The following GLIS1 variants were observed in gnomAD, a reference collection of about 807,000 sequenced individuals.
The protein encoded by GLIS1 is zinc finger protein GLIS1.
A neutral mutation model predicts 63.8 loss-of-function variants in GLIS1; 24 were observed. The ratio of observed to expected loss-of-function variants is 0.38; its 90% CI spans 0.27 to 0.53. GLIS1 has a LOEUF of 0.53. Ranked by LOEUF, GLIS1 falls within the 20% of genes least tolerant of loss-of-function variation. GLIS1 has a pLI of 0.85. For synonymous variants in GLIS1, 450 were observed against 482.5 expected (o/e 0.93, Z 0.88); for missense variants, 1,036 against 1,074.1 (o/e 0.96, Z 0.50).
At chr1:53,632,678 A>G (rs1457947511) in intron 2 of GLIS1, among the ~76,000 whole-genome samples, 36 of 124,026 alleles carry the variant, frequency 2.9e-4, no homozygotes, top group African/African-American at 1.0e-3. Flanking sequence ...GGGTGTGTGA[A>G]TGAGTGTGAA....
At position 53,547,884 on chromosome 1, in the gene GLIS1, G is replaced by A. The variant is rs550381257; in HGVS notation, c.1321-17932C>T. On this transcript the variant is annotated intron_variant, in intron 4 of 10. Transcript: ENST00000628545. ...GGAGCAGCCAGGAGCAGCCAAACAC[G>A]GCCCAGTGGTGGCTGTCTCTGTGAG... 1.7e-4 allele frequency among the ~76,000 whole-genome samples: 26 copies of A among 152,298 alleles called. No individual in the cohort carries two copies. In the South Asian group the frequency reaches 4.1e-3, roughly 24 times the overall value.
At chr1:53,655,875 C>A (rs1645960623) in intron 2 of GLIS1, among the ~76,000 whole-genome samples, 1 of 152,212 alleles carries the variant, frequency 6.6e-6, no homozygotes, top group Non-Finnish European at 1.5e-5. Context: ...ATCTTTCCAA[C>A]AAGCACCAAG....
intron 4 of GLIS1, among the ~76,000 whole-genome samples, chr1:53,593,613 T>G (rs1557468670): frequency 6.6e-6 from 1 of 152,202 alleles, no homozygotes; most frequent in Non-Finnish European, 1.5e-5. Context: ...GCCGGGTGCC[T>G]GTTAGGCCCC....
intron 2 of GLIS1, among the ~76,000 whole-genome samples, chr1:53,726,713 C>A (rs1186092951): frequency 6.6e-6 from 1 of 152,182 alleles, no homozygotes; most frequent in Non-Finnish European, 1.5e-5. Context: ...CCTCCCTCCC[C>A]AACCTCCCCC....
At chr1:53,640,522 T>G (rs1244133910) in intron 2 of GLIS1, among the ~76,000 whole-genome samples, 1 of 152,162 alleles carries the variant, frequency 6.6e-6, no homozygotes, top group East Asian at 1.9e-4. Flanking sequence ...CCCGCTCTCC[T>G]GTGGAGCCTG....
At chr1:53,520,873 C>T (rs921634283) in intron 6 of GLIS1, 107 bp from the exon 7 acceptor site, 1 of 1,250,716 alleles carries the variant, frequency 8.0e-7, no homozygotes, top group African/African-American at 1.5e-5. Context: ...CAGGGCAAGA[C>T]CCTTCCCTTC....
chr1:53,652,328 G>C (rs1443714133), intron 2 of GLIS1, among the ~76,000 whole-genome samples: 1 of 152,170 alleles, frequency 6.6e-6, no homozygotes, highest in East Asian at 1.9e-4. Context: ...TAGAGTAGGA[G>C]GTACAGCCTT....
At chr1:53,688,530 C>A (rs1646366855) in intron 2 of GLIS1, among the ~76,000 whole-genome samples, 1 of 152,210 alleles carries the variant, frequency 6.6e-6, no homozygotes, top group Non-Finnish European at 1.5e-5. Context: ...ACAAAGACTT[C>A]CCTGGTCTCC....
At chr1:53,674,075 G>C (rs1031077939) in intron 2 of GLIS1, among the ~76,000 whole-genome samples, 1 of 151,288 alleles carries the variant, frequency 6.6e-6, no homozygotes, top group African/African-American at 2.4e-5. Context: ...GGGAGGCTGA[G>C]GCACAAGAAT....
intron 2 of GLIS1, among the ~76,000 whole-genome samples, chr1:53,715,149 C>G (rs1467673999): frequency 6.6e-6 from 1 of 152,176 alleles, no homozygotes; most frequent in Non-Finnish European, 1.5e-5. Flanking sequence ...CTCCTGGGCT[C>G]AAGCCATCTG....
At chr1:53,577,695 T>C (rs1476165371) in intron 4 of GLIS1, among the ~76,000 whole-genome samples, 1 of 152,160 alleles carries the variant, frequency 6.6e-6, no homozygotes, top group Non-Finnish European at 1.5e-5. Context: ...TGTGTGCCCC[T>C]GGAGGACCTG....
intron 2 of GLIS1, among the ~76,000 whole-genome samples, chr1:53,695,832 A>C (rs1646460014): frequency 6.6e-6 from 1 of 152,248 alleles, no homozygotes; most frequent in Non-Finnish European, 1.5e-5. Flanking sequence ...CTACCTCTAG[A>C]AATGAAAACT....
At position 53,595,759 on chromosome 1, in the gene GLIS1, T is replaced by C. The variant is rs74626523; in HGVS notation, c.438-769A>G. On this transcript the variant is annotated intron_variant, in intron 3 of 10. Transcript: ENST00000628545. ...CTAGCTTAACTTCTACAAATGCTAA[T>C]TGTATGACACTTCGCCCCAAGCAGC... 8.9e-3 allele frequency among the ~76,000 whole-genome samples: 1,353 copies of C among 152,338 alleles called. 26 individuals carry two copies. Among genetic ancestry groups the C allele is most frequent in the African/African-American group, 0.032 (1,312 of 41,572 alleles).
chr1:53,692,548 T>C (rs917559502), intron 2 of GLIS1, among the ~76,000 whole-genome samples: 1 of 152,232 alleles, frequency 6.6e-6, no homozygotes, highest in Non-Finnish European at 1.5e-5. Flanking sequence ...GGTGCCACTA[T>C]TGTCCCTGAT....
chr1:53,594,590 G>C lies in GLIS1; in HGVS notation c.838C>G (p.Arg280Gly). ...TSLVTCVNGL[R>G]SPPLTGDLGG... ...AGATCTCCCGTCAGAGGGGGGCTCC[G>C]GAGTCCATTTACACAGGTGACCAGA... The change falls in exon 4 of 11, where the codon CGG becomes GGG. Residue 280 changes from arginine (R) to glycine (G), a missense_variant. Around this residue, in one of 3 missense-constraint regions of GLIS1, gnomAD observed 592 missense variants for 593.9 expected, o/e 1.00. Coordinates refer to ENST00000628545, the MANE Select transcript of GLIS1 (RefSeq NM_001367484.1). 6.3e-7 allele frequency: 1 copy of C among 1,590,912 alleles called. No homozygotes were observed. The highest frequency in any genetic ancestry group is 8.6e-7 in the Non-Finnish European group (1 of 1,165,200).
intron 4 of GLIS1, among the ~76,000 whole-genome samples, chr1:53,548,407 A>G (rs912364086): frequency 1.3e-5 from 2 of 152,234 alleles, no homozygotes; most frequent in African/African-American, 2.4e-5. Flanking sequence ...CAGGAACGAG[A>G]GAAGGGCCAC....
chr1:53,718,424 G>A (rs12043520), intron 2 of GLIS1, among the ~76,000 whole-genome samples: 38,790 of 151,906 alleles, frequency 0.26, 5,250 homozygotes, highest in African/African-American at 0.35. Context: ...GGCGGCAAGC[G>A]GGGGAATGGT....
At chr1:53,738,897 C>T (rs1646940024) in intron 1 of GLIS1, among the ~76,000 whole-genome samples, 2 of 152,190 alleles carry the variant, frequency 1.3e-5, no homozygotes, top group South Asian at 2.1e-4. Context: ...CCACACAGTC[C>T]CACGCTCTCG....
intron 5 of GLIS1, among the ~76,000 whole-genome samples, chr1:53,528,930 G>T (rs1417492614): frequency 6.6e-6 from 1 of 152,124 alleles, no homozygotes; most frequent in African/African-American, 2.4e-5. Context: ...GTCCTCCTCA[G>T]GCACGTGCCC....
Sources: allele counts gnomAD v4.1 joint callset (sites outside exome capture counted in the v4.1 genomes callset), GRCh38; gene constraint gnomAD v4.1.1; regional missense constraint gnomAD v4.1.1; transcripts MANE v1.5; gene names NCBI Gene and HGNC (gene_info 2026-07-23, HGNC 2026-07-21).